DTNB: variants seen among roughly 807,000 people sequenced by gnomAD.
DTNB encodes dystrobrevin beta.
DTNB carries 63 observed loss-of-function variants against 90.7 expected under a neutral mutation model. The ratio of observed to expected loss-of-function variants is 0.69; its 90% CI spans 0.57 to 0.86. The LOEUF is 0.86. Among genes scored for constraint, DTNB ranks in the 40% least tolerant of loss-of-function variants. DTNB has a pLI of 0.00. For synonymous variants in DTNB, 277 were observed against 286.7 expected (o/e 0.97, Z 0.34); for missense variants, 744 against 807.1 (o/e 0.92, Z 0.95).
chr2:25,633,397 C>T (rs1417435469), intron 3 of DTNB, among the ~76,000 whole-genome samples: 4 of 152,148 alleles, frequency 2.6e-5, no homozygotes, highest in Non-Finnish European at 4.4e-5. Context: ...AGCTCCTAAC[C>T]GCGAGTGATC....
At chr2:25,631,205 G>A (rs1030852184) in intron 3 of DTNB, among the ~76,000 whole-genome samples, 1 of 152,160 alleles carries the variant, frequency 6.6e-6, no homozygotes, top group African/African-American at 2.4e-5. Flanking sequence ...GAATTTTATA[G>A]TATATGAATT....
chr2:25,587,064 T>C (rs1258861768), intron 6 of DTNB, among the ~76,000 whole-genome samples: 1 of 152,060 alleles, frequency 6.6e-6, no homozygotes, highest in Admixed American at 6.5e-5. Context: ...TCCCATGGTA[T>C]GCTAAGGGTA....
intron 6 of DTNB, among the ~76,000 whole-genome samples, chr2:25,586,818 T>C (rs1206268240): frequency 2.0e-5 from 3 of 152,134 alleles, no homozygotes; most frequent in Non-Finnish European, 4.4e-5. Flanking sequence ...ACTAAGAATA[T>C]AAACAAAGAC....
intron 16 of DTNB, among the ~76,000 whole-genome samples, chr2:25,413,517 T>C (rs2047131523): frequency 6.6e-6 from 1 of 151,218 alleles, no homozygotes; most frequent in Non-Finnish European, 1.5e-5. Flanking sequence ...CATGCGGTGT[T>C]TGGTTTTTTG....
intron 9 of DTNB, among the ~76,000 whole-genome samples, chr2:25,517,766 G>A (rs969631065): frequency 6.6e-6 from 1 of 152,162 alleles, no homozygotes; most frequent in Non-Finnish European, 1.5e-5. Flanking sequence ...AGAGGTGAAA[G>A]CCACCCAAAA....
intron 10 of DTNB, among the ~76,000 whole-genome samples, chr2:25,455,997 C>T (rs968958119): frequency 1.8e-4 from 28 of 152,218 alleles, no homozygotes; most frequent in Admixed American, 1.6e-3. Flanking sequence ...CCTTTAGCAT[C>T]AGTCTATTTC....
intron 3 of DTNB, among the ~76,000 whole-genome samples, chr2:25,628,615 G>A (rs559269252): frequency 2.0e-5 from 3 of 152,224 alleles, no homozygotes; most frequent in Admixed American, 6.5e-5. Flanking sequence ...TTTAAATAGC[G>A]AGTATTTCAC....
At position 25,580,842 on chromosome 2, in the gene DTNB, AAAC is replaced by A; in HGVS notation, c.604-19_604-17del. 6.3e-7 allele frequency: 1 copy of A among 1,596,150 alleles called. No individual in the cohort carries two copies. The highest frequency in any genetic ancestry group is 8.5e-7 in the Non-Finnish European group (1 of 1,170,430). On this transcript the variant is annotated splice_polypyrimidine_tract_variant and intron_variant, in intron 6 of 20. Transcript: ENST00000406818. ...TTATCTTTCTCTGTAAAGAGAAGAA[AAAC>A]AAACATACTTTAAGTTTTTTAGGAA...
intron 9 of DTNB, among the ~76,000 whole-genome samples, chr2:25,530,930 A>C (rs996440279): frequency 6.6e-6 from 1 of 152,146 alleles, no homozygotes; most frequent in Admixed American, 6.6e-5. Context: ...CTATTTCTCA[A>C]CTTTATTGTT....
intron 8 of DTNB, among the ~76,000 whole-genome samples, chr2:25,536,906 C>A (rs1319322203): frequency 1.3e-5 from 2 of 152,080 alleles, no homozygotes; most frequent in Non-Finnish European, 2.9e-5. Flanking sequence ...CCATGCCTGG[C>A]TAATTTTTGT....
In DTNB at chr2:25,656,619, CA is replaced by C. The variant is rs565526754; in HGVS notation, c.-1-3959del. Among the ~76,000 whole-genome samples, 13 of 152,258 alleles carry C rather than the reference CA, an allele frequency of 8.5e-5. No individual in the cohort carries two copies. In the South Asian group the frequency reaches 2.5e-3, roughly 29 times the overall value. The stretch of plus-strand genomic sequence containing the variant: ...CACCCTCTTTTCCCATTTCAACTGC[CA>C]AAATCTTTGTCCACACTAATGCACA... On this transcript the variant is annotated intron_variant, in intron 1 of 20. Coordinates refer to ENST00000406818, the MANE Select transcript of DTNB (RefSeq NM_021907.5).
intron 5 of DTNB, among the ~76,000 whole-genome samples, chr2:25,606,205 G>A (rs898372277): frequency 5.3e-5 from 8 of 151,764 alleles, no homozygotes; most frequent in African/African-American, 1.9e-4. Flanking sequence ...AAAAAAAAGG[G>A]CATGGAGGAA....
At chr2:25,604,443 A>G (rs2066629851) in intron 5 of DTNB, among the ~76,000 whole-genome samples, 1 of 147,588 alleles carries the variant, frequency 6.8e-6, no homozygotes, top group Admixed American at 6.8e-5. Flanking sequence ...GTCTCACTCC[A>G]CTACCCAGGC....
chr2:25,483,004 G>T (rs971342453), intron 9 of DTNB, 131 bp from the exon 10 acceptor site: 61 of 929,216 alleles, frequency 6.6e-5, no homozygotes, highest in Non-Finnish European at 8.6e-5. Flanking sequence ...CCATGGGGAG[G>T]GGGGGGACCC....
intron 8 of DTNB, among the ~76,000 whole-genome samples, chr2:25,560,599 A>G (rs1283119016): frequency 1.3e-5 from 2 of 151,818 alleles, no homozygotes; most frequent in African/African-American, 4.8e-5. Context: ...CCTTCAGACC[A>G]GGATTGGACC....
intron 8 of DTNB, among the ~76,000 whole-genome samples, chr2:25,550,192 C>T (rs1307690578): frequency 2.6e-5 from 4 of 152,042 alleles, no homozygotes; most frequent in East Asian, 3.9e-4. Flanking sequence ...GAGATCGAGA[C>T]CATCCTGGCT....
chr2:25,455,180 G>A lies in DTNB; in HGVS notation c.1169+225C>T, dbSNP rs140225810. Among the ~76,000 whole-genome samples the A allele has an allele frequency of 9.8e-5, 15 of 152,302 alleles. 1 individual carries two copies. The East Asian group carries it at 2.9e-3, about 29-fold the overall frequency. ...GAAGGAAGTGAACCCCACTTTAAAG[G>A]AGAATGTCTGACTCCATGTTTAGGT... On this transcript the variant is annotated intron_variant, in intron 11 of 20. Transcript: ENST00000406818.
intron 2 of DTNB, among the ~76,000 whole-genome samples, chr2:25,642,308 T>A (rs1278545346): frequency 1.3e-5 from 2 of 152,160 alleles, no homozygotes; most frequent in African/African-American, 4.8e-5. Context: ...GGTTAATTAG[T>A]ATCATCTGAT....
intron 8 of DTNB, among the ~76,000 whole-genome samples, chr2:25,537,236 A>C (rs2080043600): frequency 6.6e-6 from 1 of 152,108 alleles, no homozygotes; most frequent in African/African-American, 2.4e-5. Context: ...CAATCAGAGG[A>C]CATCAAAGAG....
Sources: gnomAD v4.1 joint callset for allele counts (sites outside exome capture counted in the v4.1 genomes callset) on GRCh38, gnomAD v4.1.1 for gene constraint, MANE v1.5 for transcripts, NCBI Gene and HGNC (gene_info 2026-07-23, HGNC 2026-07-21) for gene names.